Variants in PRKN observed in about 807,000 individuals in gnomAD.
PRKN encodes the protein E3 ubiquitin-protein ligase parkin.
A neutral mutation model predicts 59.5 loss-of-function variants in PRKN; 56 were observed. The ratio of observed to expected loss-of-function variants is 0.94; its 90% confidence interval spans 0.76 to 1.18. The LOEUF (loss-of-function observed/expected upper bound fraction) is 1.18. PRKN is among the 50% of genes most tolerant of loss of function. The probability of loss-of-function intolerance (pLI) is 0.00; values close to 1 mark genes in which losing one functional copy is unlikely to be tolerated. For synonymous variants in PRKN, 250 were observed against 222.1 expected (o/e 1.13, Z -1.12); for missense variants, 657 against 596.4 (o/e 1.10, Z -1.06).
At chr6:162,523,918 A>C (rs1778174424) in intron 1 of PRKN, among the ~76,000 whole-genome samples, 1 of 152,142 alleles carries the variant, frequency 6.6e-6, no homozygotes, top group South Asian at 2.1e-4. Flanking sequence ...AAGAAAAGGA[A>C]GAGTAAGGAT....
rs2115135946 is a variant in PRKN, at chr6:161,454,530, T to G, written c.1084-67653A>C. Among the ~76,000 whole-genome samples, 1 of 152,314 alleles carries G rather than the reference T, an allele frequency of 6.6e-6. No homozygotes were observed. The highest frequency in any genetic ancestry group is 1.5e-5 in the Non-Finnish European group (1 of 68,028). ...CTATGCTTTTGGTGTGCTCTCTAAC[T>G]CAATGATAATGATAGTCATGGAAGT... On this transcript the variant is annotated intron_variant, in intron 9 of 11. Transcript: ENST00000366898. The surrounding 1 kb of genome is among the most constrained non-coding windows in gnomAD (Gnocchi z 4.6).
At chr6:161,926,535 G>A (rs1778976358) in intron 6 of PRKN, among the ~76,000 whole-genome samples, 1 of 152,186 alleles carries the variant, frequency 6.6e-6, no homozygotes, top group African/African-American at 2.4e-5. Flanking sequence ...GGAAATGTGT[G>A]TTCAGAGGGC....
At chr6:161,670,816 A>AAAACAAACAAAC (rs56922951) in intron 7 of PRKN, among the ~76,000 whole-genome samples, 11 of 150,208 alleles carry the variant, frequency 7.3e-5, no homozygotes, top group Non-Finnish European at 1.6e-4. Flanking sequence ...CTCTGTCTCA[A>AAAACAAACAAAC]AAACAAACAA....
At chr6:162,597,919 T>A (rs1287578205) in intron 1 of PRKN, among the ~76,000 whole-genome samples, 6 of 152,200 alleles carry the variant, frequency 3.9e-5, no homozygotes, top group African/African-American at 1.2e-4. Flanking sequence ...TCTCTTTTCA[T>A]CCAGACATAA....
chr6:162,489,738 T>C (rs1792719701), intron 1 of PRKN, among the ~76,000 whole-genome samples: 4 of 152,212 alleles, frequency 2.6e-5, no homozygotes, highest in Non-Finnish European at 5.9e-5. Flanking sequence ...CTTTGTACCC[T>C]TGTGGTGTCT....
In PRKN at chr6:161,388,252, A is replaced by C. The variant is rs1321244705; in HGVS notation, c.1084-1375T>G. On this transcript the variant is annotated intron_variant, in intron 9 of 11. Transcript: ENST00000366898. The surrounding 1 kb of genome is among the most constrained non-coding windows in gnomAD (Gnocchi z 4.3). ...CTAGGATAACAGCGATAGCTTTCTC[A>C]TATGACCCCTGGGAGAGGTAGTGAG... Among the ~76,000 whole-genome samples the C allele has an allele frequency of 6.6e-6, 1 of 152,180 alleles. No homozygotes were observed. The highest frequency in any genetic ancestry group is 1.9e-4 in the East Asian group (1 of 5,180).
At chr6:162,539,418 T>G (rs560202813) in intron 1 of PRKN, among the ~76,000 whole-genome samples, 1 of 152,162 alleles carries the variant, frequency 6.6e-6, no homozygotes, top group African/African-American at 2.4e-5. Context: ...TATACTAAGA[T>G]TAATTTCAGT....
At chr6:162,321,194 C>T (rs1229614013) in intron 2 of PRKN, among the ~76,000 whole-genome samples, 2 of 151,794 alleles carry the variant, frequency 1.3e-5, no homozygotes, top group Admixed American at 1.3e-4. Flanking sequence ...GAAGTGACAA[C>T]ACTACACATT....
chr6:162,353,374 A>G (rs912267953), intron 2 of PRKN, among the ~76,000 whole-genome samples: 69 of 152,244 alleles, frequency 4.5e-4, no homozygotes, highest in African/African-American at 1.6e-3. Context: ...AAAAAATGAA[A>G]TTGAGTGCTA....
rs1233379805 is a variant in PRKN, at chr6:161,562,552, A to G, written c.933+6803T>C. Among the ~76,000 whole-genome samples the G allele has an allele frequency of 1.3e-5, 2 of 152,128 alleles. No homozygotes were observed. Among genetic ancestry groups the G allele is most frequent in the Non-Finnish European group, 1.5e-5 (1 of 68,008 alleles). On this transcript the variant is annotated intron_variant, in intron 8 of 11. Transcript: ENST00000366898. The surrounding 1 kb of genome is among the most constrained non-coding windows in gnomAD (Gnocchi z 4.3). ...AAGTTATCTCTCCATCTCGGACCTC[A>G]GGTCTCACTGTCCTCCAAGCTCTCA...
In PRKN at chr6:161,413,216, A is replaced by G. The variant is rs1314897384; in HGVS notation, c.1084-26339T>C. 9.9e-5 allele frequency among the ~76,000 whole-genome samples: 15 copies of G among 152,046 alleles called. No homozygotes were observed. On this transcript the variant is annotated intron_variant, in intron 9 of 11. Coordinates refer to ENST00000366898, the MANE Select transcript of PRKN (RefSeq NM_004562.3). The surrounding 1 kb of genome is among the most constrained non-coding windows in gnomAD (Gnocchi z 4.4). ...CCTTCCCATTTATTTGTGGAAACCC[A>G]CTGTCTCCCGGACACTGGCCTCCAG...
intron 6 of PRKN, among the ~76,000 whole-genome samples, chr6:161,862,394 T>C (rs1793938149): frequency 6.6e-6 from 1 of 152,138 alleles, no homozygotes; most frequent in East Asian, 1.9e-4. Flanking sequence ...AGGCTGGTGG[T>C]GAAAGCAGTT....
At chr6:162,255,920 A>G (rs893612822) in intron 3 of PRKN, among the ~76,000 whole-genome samples, 1 of 152,180 alleles carries the variant, frequency 6.6e-6, no homozygotes, top group Non-Finnish European at 1.5e-5. Context: ...TTCCCTTCTT[A>G]CAGGAAGCAA....
chr6:162,539,619 C>CA (rs1052990565), intron 1 of PRKN, among the ~76,000 whole-genome samples: 6 of 152,162 alleles, frequency 3.9e-5, no homozygotes, highest in Non-Finnish European at 7.4e-5. Context: ...AAACATCAGA[C>CA]AAAAAAATGT....
At chr6:162,636,973 G>A (rs1402693906) in intron 1 of PRKN, among the ~76,000 whole-genome samples, 4 of 151,664 alleles carry the variant, frequency 2.6e-5, no homozygotes, top group African/African-American at 9.7e-5. Flanking sequence ...AAAAAAAGAT[G>A]TGGCCAGGCA....
chr6:162,266,403 C>T (rs1161074309), intron 2 of PRKN: 3 of 151,882 alleles, frequency 2.0e-5, no homozygotes, highest in African/African-American at 7.3e-5. Flanking sequence ...GCCATAGTAG[C>T]ATTCATCAGA....
At chr6:162,220,348 A>G (rs1167182765) in intron 3 of PRKN, among the ~76,000 whole-genome samples, 1 of 152,204 alleles carries the variant, frequency 6.6e-6, no homozygotes, top group Non-Finnish European at 1.5e-5. Context: ...TTAAACCTGC[A>G]TAATTAAAGA....
At chr6:162,641,494 CAGA>C (rs1373547170) in intron 1 of PRKN, among the ~76,000 whole-genome samples, 2 of 151,978 alleles carry the variant, frequency 1.3e-5, no homozygotes, top group Non-Finnish European at 2.9e-5. Flanking sequence ...ACGTGGCAAA[CAGA>C]AGAAGGCACA....
At chr6:162,024,372 T>C (rs1407265807) in intron 5 of PRKN, among the ~76,000 whole-genome samples, 1 of 152,084 alleles carries the variant, frequency 6.6e-6, no homozygotes, top group Admixed American at 6.6e-5. Flanking sequence ...AATTTTTGTA[T>C]TTTTAGTAGA....
Sources: gnomAD v4.1 joint callset for allele counts (sites outside exome capture counted in the v4.1 genomes callset) on GRCh38, gnomAD v4.1.1 for gene constraint, Gnocchi (gnomAD v3.1) non-coding constraint, MANE v1.5 for transcripts, NCBI Gene and HGNC (gene_info 2026-07-23, HGNC 2026-07-21) for gene names.